TMEM108: variants seen among roughly 807,000 people sequenced by gnomAD.
TMEM108 encodes the protein transmembrane protein 108.
Under a neutral mutation model 35.1 loss-of-function variants are expected in TMEM108, and 12 were observed. The observed-to-expected ratio is 0.34, with a 90% CI of 0.22 to 0.55. The LOEUF (loss-of-function observed/expected upper bound fraction) is 0.55, where lower values mean the gene tolerates loss of function less well. Among genes scored for constraint, TMEM108 ranks in the 20% least tolerant of loss-of-function variants. The probability of loss-of-function intolerance (pLI) is 0.89; values close to 1 mark genes in which losing one functional copy is unlikely to be tolerated. For missense variants in TMEM108, 680 were observed against 753.3 expected (o/e 0.90, Z 1.14); for synonymous variants, 287 against 308.6 (o/e 0.93, Z 0.73).
At chr3:133,390,087 C>A in intron 4 of TMEM108, 93 bp from the exon 5 acceptor site, 1 of 1,487,402 alleles carries the variant, frequency 6.7e-7, no homozygotes, top group Non-Finnish European at 9.2e-7. Flanking sequence ...TACACTTACT[C>A]CAGCTGGGAA....
chr3:133,098,078 T>C (rs898345757), intron 2 of TMEM108, among the ~76,000 whole-genome samples: 1 of 152,158 alleles, frequency 6.6e-6, no homozygotes, highest in African/African-American at 2.4e-5. Context: ...GCAGCTTGTA[T>C]TAGTTCTTTT....
intron 3 of TMEM108, among the ~76,000 whole-genome samples, chr3:133,240,130 C>A (rs918583247): frequency 1.3e-5 from 2 of 152,098 alleles, no homozygotes; most frequent in Admixed American, 6.5e-5. Context: ...CTGTGTAATT[C>A]TTTTGCAAAT....
At chr3:133,178,538 G>T (rs1945275987) in intron 2 of TMEM108, among the ~76,000 whole-genome samples, 1 of 151,954 alleles carries the variant, frequency 6.6e-6, no homozygotes. Flanking sequence ...TGACAAACCT[G>T]ACAAAAACAA....
At chr3:133,118,747 T>C (rs1944316761) in intron 2 of TMEM108, among the ~76,000 whole-genome samples, 1 of 152,172 alleles carries the variant, frequency 6.6e-6, no homozygotes, top group African/African-American at 2.4e-5. Context: ...GTGGTTCTCC[T>C]ACCCAGGGCT....
intron 2 of TMEM108, among the ~76,000 whole-genome samples, chr3:133,073,688 T>A (rs1260120409): frequency 6.6e-6 from 1 of 151,560 alleles, no homozygotes; most frequent in Non-Finnish European, 1.5e-5. Flanking sequence ...GTAGTAGGAT[T>A]GTAGGATCAT....
intron 2 of TMEM108, among the ~76,000 whole-genome samples, chr3:133,139,368 AC>A (rs754810393): frequency 1.3e-5 from 2 of 152,238 alleles, no homozygotes; most frequent in African/African-American, 2.4e-5. Context: ...CAAGAAAAAA[AC>A]AACCTCTGTT....
At chr3:133,155,859 A>G (rs1944873775) in intron 2 of TMEM108, among the ~76,000 whole-genome samples, 1 of 151,928 alleles carries the variant, frequency 6.6e-6, no homozygotes, top group Non-Finnish European at 1.5e-5. Context: ...ATTAGGTCCC[A>G]TTTATCAATT....
intron 2 of TMEM108, among the ~76,000 whole-genome samples, chr3:133,176,964 T>TA (rs1233926242): frequency 4.0e-5 from 6 of 151,818 alleles, no homozygotes; most frequent in Non-Finnish European, 8.8e-5. Context: ...ATAGACACAA[T>TA]AAAAAATGAT....
intron 2 of TMEM108, among the ~76,000 whole-genome samples, chr3:133,207,356 G>T (rs982178793): frequency 1.3e-5 from 2 of 151,758 alleles, no homozygotes; most frequent in African/African-American, 2.4e-5. Flanking sequence ...TACTTTAGTT[G>T]GAAATGCAGA....
chr3:133,204,558 A>G (rs1481526449), intron 2 of TMEM108, among the ~76,000 whole-genome samples: 1 of 152,204 alleles, frequency 6.6e-6, no homozygotes, highest in East Asian at 1.9e-4. Flanking sequence ...TTTGTTATTT[A>G]CCCAGTAGTC....
At position 133,159,314 on chromosome 3, in the gene TMEM108, T is replaced by C. The variant is rs142328681; in HGVS notation, c.-46-69952T>C. On this transcript the variant is annotated intron_variant, in intron 2 of 5. Coordinates refer to ENST00000321871, the MANE Select transcript of TMEM108 (RefSeq NM_023943.4). ...GCTAATCTAGTTAGGTAAGTCTCCA[T>C]GGCCCATTCCCCTGGAATTTAGCTG... Among the ~76,000 whole-genome samples, 754 of 152,368 alleles carry C rather than the reference T, an allele frequency of 4.9e-3. 7 individuals carry two copies. Among genetic ancestry groups the C allele is most frequent in the African/African-American group, 0.017 (702 of 41,588 alleles).
At chr3:133,142,972 G>A (rs893384553) in intron 2 of TMEM108, among the ~76,000 whole-genome samples, 3 of 152,166 alleles carry the variant, frequency 2.0e-5, no homozygotes, top group Admixed American at 6.5e-5. Context: ...GGCATAAACA[G>A]CATTTGAATC....
At chr3:133,079,889 C>T (rs1482589594) in intron 2 of TMEM108, among the ~76,000 whole-genome samples, 1 of 152,146 alleles carries the variant, frequency 6.6e-6, no homozygotes, top group African/African-American at 2.4e-5. Flanking sequence ...GGCAGGGCCT[C>T]ATCATGTAAA....
intron 2 of TMEM108, among the ~76,000 whole-genome samples, chr3:133,048,251 G>A (rs1034324973): frequency 4.6e-5 from 7 of 152,144 alleles, no homozygotes; most frequent in South Asian, 2.1e-4. Context: ...GAAAACTATC[G>A]TCCCAAATGA....
At chr3:133,225,151 A>G (rs1473703960) in intron 2 of TMEM108, among the ~76,000 whole-genome samples, 9 of 150,792 alleles carry the variant, frequency 6.0e-5, no homozygotes, top group African/African-American at 1.5e-4. Context: ...GGTTCAAGCA[A>G]TTCTCCTGCC....
At chr3:133,137,177 T>G (rs1944576314) in intron 2 of TMEM108, among the ~76,000 whole-genome samples, 1 of 152,190 alleles carries the variant, frequency 6.6e-6, no homozygotes, top group African/African-American at 2.4e-5. Context: ...TGAACAATGC[T>G]AGGCATTGTA....
At chr3:133,081,470 A>G (rs532714938) in intron 2 of TMEM108, among the ~76,000 whole-genome samples, 1 of 152,328 alleles carries the variant, frequency 6.6e-6, no homozygotes, top group South Asian at 2.1e-4. Context: ...TACAAATACT[A>G]TCACATTAGG....
At chr3:133,375,495 T>C (rs1353367885) in intron 3 of TMEM108, among the ~76,000 whole-genome samples, 2 of 152,240 alleles carry the variant, frequency 1.3e-5, no homozygotes, top group Admixed American at 1.3e-4. Context: ...GCAAATAATA[T>C]GCAAAGAGGC....
intron 3 of TMEM108, among the ~76,000 whole-genome samples, chr3:133,315,147 G>A (rs956551465): frequency 2.0e-5 from 3 of 152,160 alleles, no homozygotes; most frequent in African/African-American, 4.8e-5. Flanking sequence ...CTTAATAGAG[G>A]TTAAGTATTG....
Sources: allele counts gnomAD v4.1 joint callset (sites outside exome capture counted in the v4.1 genomes callset), GRCh38; gene constraint gnomAD v4.1.1; transcripts MANE v1.5; gene names NCBI Gene and HGNC (gene_info 2026-07-23, HGNC 2026-07-21).